ARHGEF26: variants seen among roughly 807,000 people sequenced by gnomAD.
The protein encoded by ARHGEF26 is Rho guanine nucleotide exchange factor 26.
ARHGEF26 carries 59 observed loss-of-function variants against 89.4 expected under a neutral mutation model. The ratio of observed to expected loss-of-function variants is 0.66; its 90% CI spans 0.54 to 0.82. The LOEUF is 0.82. Among genes scored for constraint, ARHGEF26 ranks in the 40% least tolerant of loss-of-function variants. The probability of loss-of-function intolerance (pLI) is 0.00; values close to 1 mark genes in which losing one functional copy is unlikely to be tolerated. For missense variants in ARHGEF26, 1,234 were observed against 1,085.6 expected (o/e 1.14, Z -1.92); for synonymous variants, 500 against 428.4 (o/e 1.17, Z -2.06).
chr3:154,156,160 C>T (rs1051506596), intron 6 of ARHGEF26, among the ~76,000 whole-genome samples: 5 of 151,844 alleles, frequency 3.3e-5, no homozygotes, highest in African/African-American at 1.2e-4. Flanking sequence ...AAATGAGAAA[C>T]AAGCAGTAAG....
Position 154,191,323 on chromosome 3 carries a change from A to G in ARHGEF26, c.1675A>G (p.Arg559Gly). ...TCCATCCTTTAAGGAAGTATTGTCA[A>G]GGATTGAGTCCCATGAAGACTGTAG... The part of the protein sequence containing the change: ...TNPSFKEVLS[R>G]IESHEDCRNL... Residue 559 changes from arginine to glycine, a missense_variant, in exon 8 of 15, where the codon AGG becomes GGG. Physicochemically the swap from Arg to Gly is moderately radical, Grantham distance 125. Transcript: ENST00000465093. 1.2e-6 allele frequency: 2 copies of G among 1,613,274 alleles called. No individual in the cohort carries two copies. Among genetic ancestry groups the G allele is most frequent in the South Asian group, 2.2e-5 (2 of 90,868 alleles).
intron 6 of ARHGEF26, among the ~76,000 whole-genome samples, chr3:154,186,483 G>A (rs1438589430): frequency 2.0e-5 from 3 of 151,978 alleles, no homozygotes; most frequent in African/African-American, 4.8e-5. Flanking sequence ...AACCCTGGCC[G>A]GGTGCAGTGG....
chr3:154,202,211 C>T (rs1436622235), intron 9 of ARHGEF26, among the ~76,000 whole-genome samples: 6 of 152,256 alleles, frequency 3.9e-5, no homozygotes, highest in Middle Eastern at 3.4e-3. Context: ...CCAGTTTCAG[C>T]TTCCTACATA....
intron 6 of ARHGEF26, among the ~76,000 whole-genome samples, chr3:154,159,816 C>T (rs1711554801): frequency 6.6e-6 from 1 of 151,984 alleles, no homozygotes; most frequent in Non-Finnish European, 1.5e-5. Context: ...TTTTAACTTT[C>T]CTGACTAATT....
At chr3:154,200,651 A>G (rs546727067) in intron 9 of ARHGEF26, among the ~76,000 whole-genome samples, 2 of 151,796 alleles carry the variant, frequency 1.3e-5, no homozygotes, top group Admixed American at 1.3e-4. Context: ...TTTGGGTAGT[A>G]TGGACTTTTT....
chr3:154,150,802 A>G (rs1408901979), intron 5 of ARHGEF26, among the ~76,000 whole-genome samples: 1 of 152,150 alleles, frequency 6.6e-6, no homozygotes, highest in Non-Finnish European at 1.5e-5. Flanking sequence ...TTTCTATCAT[A>G]TTCTGAAAAT....
Position 154,122,981 on chromosome 3 carries a change from C to G in ARHGEF26, c.989C>G (p.Pro330Arg), listed in dbSNP as rs540564396. The G allele has an allele frequency of 1.9e-6, 3 of 1,613,800 alleles. No individual in the cohort carries two copies. Among genetic ancestry groups the G allele is most frequent in the South Asian group, 1.1e-5 (1 of 91,006 alleles). ...GTCAGTGGCTTTGATTTTGACAGTCCTACCAGCTCGAAGAAGAAGAACAGA... is the reference window on the plus strand; with the variant it reads ...GTCAGTGGCTTTGATTTTGACAGTCGTACCAGCTCGAAGAAGAAGAACAGA... ...AVVSGFDFDS[P>R]TSSKKKNRMS... The change falls in exon 2 of 15, where the codon CCT (proline) becomes CGT (arginine). Residue 330 changes from proline to arginine, a missense_variant. Transcript: ENST00000465093.
At chr3:154,202,947 G>T (rs537521378) in intron 9 of ARHGEF26, among the ~76,000 whole-genome samples, 55 of 152,250 alleles carry the variant, frequency 3.6e-4, no homozygotes, top group African/African-American at 1.1e-3. Flanking sequence ...TCTGCAAACA[G>T]GGACAATTTG....
At chr3:154,127,544 A>G (rs894155043) in intron 3 of ARHGEF26, among the ~76,000 whole-genome samples, 6 of 151,898 alleles carry the variant, frequency 4.0e-5, no homozygotes, top group Admixed American at 1.3e-4. Flanking sequence ...CAATGATAAC[A>G]GTGTCTTCTG....
intron 6 of ARHGEF26, among the ~76,000 whole-genome samples, chr3:154,182,978 A>ATCTT (rs1713278128): frequency 1.3e-5 from 2 of 152,234 alleles, no homozygotes; most frequent in African/African-American, 4.8e-5. Context: ...GTTAGAAGAA[A>ATCTT]GGTTACTAGA....
chr3:154,255,537 G>A lies in ARHGEF26; in HGVS notation c.*64G>A. ...ACACTTACCGGGCTGGTTGGTTCTG[G>A]GCTAGTTTTATTGTTAATTTTGTCA... On this transcript the variant is annotated 3_prime_UTR_variant, in exon 15 of 15. Transcript: ENST00000465093. 1 of 1,541,884 alleles carries A rather than the reference G, an allele frequency of 6.5e-7. No individual in the cohort carries two copies. The highest frequency in any genetic ancestry group is 2.2e-5 in the Admixed American group (1 of 45,390).
Position 154,122,106 on chromosome 3 carries a change from G to A in ARHGEF26, c.114G>A (p.Gln38=). ...QVLGRSKPRP[Q]SYQSPNGLLI... is the part of the protein sequence containing the mutation. ...TGGGCCGGAGCAAGCCGAGGCCCCAGTCCTACCAGAGCCCCAACGGGTTAC... is the reference window on the plus strand; with the variant it reads ...TGGGCCGGAGCAAGCCGAGGCCCCAATCCTACCAGAGCCCCAACGGGTTAC... The change falls in exon 2 of 15, where the codon CAG becomes CAA. Residue 38 remains glutamine, a synonymous_variant. Transcript: ENST00000465093. 1 of 1,610,716 alleles carries A rather than the reference G, an allele frequency of 6.2e-7. No individual in the cohort carries two copies. Among genetic ancestry groups the A allele is most frequent in the Non-Finnish European group, 8.5e-7 (1 of 1,178,454 alleles).
At chr3:154,255,228 C>G in intron 14 of ARHGEF26, 103 bp from the exon 15 acceptor site, 1 of 1,243,338 alleles carries the variant, frequency 8.0e-7, no homozygotes, top group Non-Finnish European at 1.1e-6. Flanking sequence ...CACCGTAGCA[C>G]TTAGCCTGGG....
At position 154,195,293 on chromosome 3, in the gene ARHGEF26, C is replaced by G. The variant is rs112033951; in HGVS notation, c.1845+575C>G. ...AGATTTTGAAGAACTGGAATGTTCT[C>G]CATGTGGCTAGGATGCAATCTGAGA... On this transcript the variant is annotated intron_variant, in intron 9 of 14. Coordinates refer to ENST00000465093, the MANE Select transcript of ARHGEF26 (RefSeq NM_015595.4). Among the ~76,000 whole-genome samples, 1,472 of 152,262 alleles carry G rather than the reference C, an allele frequency of 9.7e-3. 9 individuals carry two copies. Among genetic ancestry groups the G allele is most frequent in the Middle Eastern group, 0.031 (9 of 294 alleles).
At chr3:154,146,658 T>C (rs183886100) in intron 4 of ARHGEF26, among the ~76,000 whole-genome samples, 40 of 152,368 alleles carry the variant, frequency 2.6e-4, no homozygotes, top group Non-Finnish European at 4.6e-4. Flanking sequence ...TTTGTAATTA[T>C]GAATTTAAAA....
chr3:154,171,157 A>T (rs1257555874), intron 6 of ARHGEF26, among the ~76,000 whole-genome samples: 1 of 152,156 alleles, frequency 6.6e-6, no homozygotes, highest in South Asian at 2.1e-4. Flanking sequence ...TTCCCACTGG[A>T]CAGCTCTTTC....
intron 6 of ARHGEF26, among the ~76,000 whole-genome samples, chr3:154,157,534 G>C (rs1012194252): frequency 1.6e-4 from 25 of 152,156 alleles, no homozygotes; most frequent in Non-Finnish European, 3.2e-4. Flanking sequence ...GTAGAGAACA[G>C]TATGGTGTTT....
intron 3 of ARHGEF26, among the ~76,000 whole-genome samples, chr3:154,126,671 A>G (rs1296511472): frequency 6.6e-6 from 1 of 152,166 alleles, no homozygotes; most frequent in Non-Finnish European, 1.5e-5. Context: ...TTGCCTACAA[A>G]TATTTCCTTG....
At chr3:154,235,857 A>G (rs1717095883) in intron 11 of ARHGEF26, among the ~76,000 whole-genome samples, 3 of 152,202 alleles carry the variant, frequency 2.0e-5, no homozygotes, top group Admixed American at 6.5e-5. Context: ...TGAAGTTGGC[A>G]TCTCTTTATT....
Sources: gnomAD v4.1 joint callset for allele counts (sites outside exome capture counted in the v4.1 genomes callset) on GRCh38, gnomAD v4.1.1 for gene constraint, MANE v1.5 for transcripts, NCBI Gene and HGNC (gene_info 2026-07-23, HGNC 2026-07-21) for gene names.